Variants in PDE1C observed in about 807,000 individuals in gnomAD.
The protein encoded by PDE1C is dual specificity calcium/calmodulin-dependent 3',5'-cyclic nucleotide phosphodiesterase 1C.
Under a neutral mutation model 93.1 loss-of-function variants are expected in PDE1C, and 62 were observed. The observed-to-expected ratio is 0.67, with a 90% confidence interval of 0.54 to 0.82. The LOEUF (loss-of-function observed/expected upper bound fraction) is 0.82. Among genes scored for constraint, PDE1C ranks in the 40% least tolerant of loss-of-function variants. PDE1C has a pLI of 0.00. For missense variants in PDE1C, 742 were observed against 884.6 expected, an observed-to-expected ratio of 0.84 and a Z score of 2.04; for synonymous variants, 325 against 310.1, an observed-to-expected ratio of 1.05 and a Z score of -0.50.
intron 3 of PDE1C, among the ~76,000 whole-genome samples, chr7:32,098,229 C>CAAAA (rs60146342): frequency 0.045 from 2,101 of 46,202 alleles, 180 homozygotes; most frequent in Middle Eastern, 0.14. Flanking sequence ...GACTCCGTCT[C>CAAAA]AAAAAAAAAA....
chr7:31,628,221 T>G, the PDE1C span, among the ~76,000 whole-genome samples: 1 of 152,068 alleles, frequency 6.6e-6, no homozygotes, highest in Non-Finnish European at 1.5e-5. Flanking sequence ...CCCTTCAATC[T>G]CCTACTCCTA....
chr7:31,759,540 C>A (rs1794697403), intron 17 of PDE1C, among the ~76,000 whole-genome samples: 1 of 152,138 alleles, frequency 6.6e-6, no homozygotes, highest in South Asian at 2.1e-4. Flanking sequence ...TCTCTTAGAA[C>A]AATTTGCTTG....
chr7:31,893,241 T>C lies in PDE1C; in HGVS notation c.129-12381A>G, dbSNP rs150522210. ...CCAATAAGTAGGAAAACAATTTGCA[T>C]ATTATTAACATTTCAAGTTTGTATT... On this transcript the variant is annotated intron_variant, in intron 2 of 17. Coordinates refer to ENST00000396191, the MANE Select transcript of PDE1C (RefSeq NM_001191057.4). Among the ~76,000 whole-genome samples, 110 of 152,296 alleles carry C rather than the reference T, an allele frequency of 7.2e-4. 2 individuals carry two copies. Among genetic ancestry groups the C allele is most frequent in the African/African-American group, 2.5e-3 (105 of 41,562 alleles).
At chr7:32,360,537 C>T (rs1283982002) in intron 1 of PDE1C, among the ~76,000 whole-genome samples, 2 of 152,124 alleles carry the variant, frequency 1.3e-5, no homozygotes. Context: ...TGCTGTAAAG[C>T]CAAAGCTTTG....
chr7:32,421,188 T>C (rs1427462464), intron 1 of PDE1C, among the ~76,000 whole-genome samples: 1 of 152,222 alleles, frequency 6.6e-6, no homozygotes, highest in Non-Finnish European at 1.5e-5. Context: ...GACTGTGTCC[T>C]ACCTCAGAAG....
intron 2 of PDE1C, among the ~76,000 whole-genome samples, chr7:31,993,411 G>A (rs1784370963): frequency 6.6e-6 from 1 of 152,172 alleles, no homozygotes; most frequent in Non-Finnish European, 1.5e-5. Context: ...GAAGGGTATG[G>A]CTGCAGTTAC....
intron 3 of PDE1C, among the ~76,000 whole-genome samples, chr7:32,113,054 T>C (rs1466191367): frequency 6.7e-6 from 1 of 149,426 alleles, no homozygotes. Context: ...GGAAGGTAAG[T>C]GCATCAAATC....
chr7:32,067,351 A>T (rs902180772), intron 1 of PDE1C, among the ~76,000 whole-genome samples: 4 of 152,222 alleles, frequency 2.6e-5, no homozygotes, highest in Admixed American at 2.0e-4. Context: ...CCCTGTCTTC[A>T]TGGGGCTTAT....
At chr7:32,214,636 T>A (rs896121963) in intron 1 of PDE1C, among the ~76,000 whole-genome samples, 1 of 152,186 alleles carries the variant, frequency 6.6e-6, no homozygotes, top group Non-Finnish European at 1.5e-5. Flanking sequence ...TCACTTCTTC[T>A]TTTCAGGATG....
the PDE1C span, among the ~76,000 whole-genome samples, chr7:31,648,238 T>C: frequency 1.2e-4 from 18 of 152,302 alleles, no homozygotes; most frequent in South Asian, 2.1e-4. Context: ...GCTCTTACCA[T>C]TGAAGTTAAA....
chr7:31,980,407 A>T (rs944447697), intron 2 of PDE1C, among the ~76,000 whole-genome samples: 1 of 152,230 alleles, frequency 6.6e-6, no homozygotes, highest in Non-Finnish European at 1.5e-5. Flanking sequence ...TTTTGATAAA[A>T]GTACTTTGGA....
intron 14 of PDE1C, among the ~76,000 whole-genome samples, chr7:31,819,940 A>G (rs905210737): frequency 1.3e-5 from 2 of 152,166 alleles, no homozygotes; most frequent in Non-Finnish European, 2.9e-5. Flanking sequence ...TCTCAGTTCT[A>G]TACAAGAACA....
chr7:31,677,442 T>C, the PDE1C span, among the ~76,000 whole-genome samples: 1 of 152,188 alleles, frequency 6.6e-6, no homozygotes, highest in East Asian at 1.9e-4. Flanking sequence ...AATTAAAAAA[T>C]ACTGTGTCCT....
chr7:32,278,182 C>T (rs554656404), intron 1 of PDE1C, among the ~76,000 whole-genome samples: 2 of 146,900 alleles, frequency 1.4e-5, no homozygotes, highest in South Asian at 2.1e-4. Context: ...AATGTGATTA[C>T]AGAAGTAATA....
intron 1 of PDE1C, among the ~76,000 whole-genome samples, chr7:32,410,930 A>G (rs932027404): frequency 1.3e-5 from 2 of 152,218 alleles, no homozygotes; most frequent in Non-Finnish European, 2.9e-5. Context: ...CACCTTCATT[A>G]AACTCTTTAT....
At chr7:32,309,453 T>G (rs1813110535) in intron 1 of PDE1C, among the ~76,000 whole-genome samples, 1 of 152,096 alleles carries the variant, frequency 6.6e-6, no homozygotes, top group East Asian at 1.9e-4. Context: ...ATTGTCAGAT[T>G]CACCAAAGTT....
intron 17 of PDE1C, among the ~76,000 whole-genome samples, chr7:31,754,617 C>T (rs1794335515): frequency 6.6e-6 from 1 of 152,150 alleles, no homozygotes; most frequent in Middle Eastern, 3.2e-3. Flanking sequence ...ATACATATTG[C>T]TAAGTGAAAG....
chr7:31,681,383 GGATGGATGGAT>G, the PDE1C span, among the ~76,000 whole-genome samples: 15 of 142,240 alleles, frequency 1.1e-4, 1 homozygote, highest in African/African-American at 3.5e-4. Context: ...ATGGATGGAT[GGATGGATGGAT>G]GGATGGATGG....
intron 3 of PDE1C, among the ~76,000 whole-genome samples, chr7:32,081,570 C>T (rs754236996): frequency 6.6e-6 from 1 of 152,208 alleles, no homozygotes; most frequent in Non-Finnish European, 1.5e-5. Flanking sequence ...AGAATCTAAT[C>T]ACTCTGCCAG....
Sources: gnomAD v4.1 joint callset for allele counts (sites outside exome capture counted in the v4.1 genomes callset) on GRCh38, gnomAD v4.1.1 for gene constraint, MANE v1.5 for transcripts, NCBI Gene and HGNC (gene_info 2026-07-23, HGNC 2026-07-21) for gene names.